The following HCFC1 variants were observed in gnomAD, a reference collection of about 807,000 sequenced individuals.
The protein encoded by HCFC1 is host cell factor C1.
In HCFC1, 7 loss-of-function variants were observed where a neutral mutation model predicts 105.5. The ratio of observed to expected loss-of-function variants is 0.07; its 90% CI spans 0.04 to 0.12. HCFC1 has a LOEUF of 0.12. HCFC1 is among the 10% of genes least tolerant of loss of function. The pLI, the probability that HCFC1 is intolerant of heterozygous loss-of-function variation, is 1.00. For missense variants in HCFC1, 1,065 were observed against 1,823.6 expected (o/e 0.58, Z 7.58); for synonymous variants, 918 against 828.1 (o/e 1.11, Z -1.86).
chrX:153,963,465 C>G, intron 3 of HCFC1, 32 bp from the exon 4 acceptor site: 1 of 1,052,430 alleles, frequency 9.5e-7, no homozygotes. Context: ...CGGCAAGTCT[C>G]GACTCCTCAC....
In HCFC1 at chrX:153,959,532, C is replaced by T. The variant is rs3027892; in HGVS notation, c.1445-41G>A. 3,348 of 1,196,771 alleles carry T rather than the reference C, an allele frequency of 2.8e-3. 61 individuals are homozygous for T. The African/African-American group carries it at 0.05, about 18-fold the overall frequency. On this transcript the variant is annotated intron_variant, in intron 8 of 25. Transcript: ENST00000310441. ...GCCAGCCGTCAGCCATCACCTTCTG[C>T]ACGATGTCCCCAGCCCCTTTGCAGG...
chrX:153,954,783 G>T lies in HCFC1; in HGVS notation c.3616C>A (p.Pro1206Thr), dbSNP rs1557114079. 1 of 1,168,042 alleles carries T rather than the reference G, an allele frequency of 8.6e-7. No homozygotes were observed. ...AGAGGGGCCAACTGCACAAAAGCAG[G>T]GCTGCGGCCCCCGGGCTCCCGTGCC... is the stretch of plus-strand genomic sequence containing the variant. The part of the protein sequence containing the change: ...SMAREPGGRS[P>T]AFVQLAPLSS... The change falls in exon 17 of 26, where the codon CCT becomes ACT. Residue 1206 changes from proline (P) to threonine (T), a missense_variant. By Grantham distance (38) the Pro-to-Thr change is conservative. This residue lies in a region of HCFC1 where 546 missense variants were observed against 599.9 expected (regional missense o/e 0.91). Coordinates refer to ENST00000310441, the MANE Select transcript of HCFC1 (RefSeq NM_005334.3).
At chrX:153,955,882 A>C (rs2065370773) in intron 16 of HCFC1, among the ~76,000 whole-genome samples, 1 of 113,052 alleles carries the variant, frequency 8.8e-6, no homozygotes, top group South Asian at 3.6e-4. Context: ...CGTTTTCCTT[A>C]ATATGTATGA....
Position 153,952,099 on chromosome X carries a change from C to A in HCFC1, c.5002G>T (p.Gly1668Trp). Residue 1668 changes from glycine (G) to tryptophan (W), a missense_variant, in exon 20 of 26, where the codon GGG becomes TGG. Physicochemically the swap from Gly to Trp is radical, Grantham distance 184 (BLOSUM62 -2). Around this residue, in one of 17 missense-constraint regions of HCFC1, gnomAD observed 115 missense variants for 143.7 expected, o/e 0.80. Transcript: ENST00000310441. ...AAATVTQAEL[G>W]HLSAEGQEGQ... ...TCCTGACCCTCGGCCGACAGGTGCC[C>A]CAGCTCCGCCTGAGTCACGGTTGCT... The A allele has an allele frequency of 8.7e-7, 1 of 1,152,124 alleles. No individual in the cohort carries two copies. 94.9% of individuals were successfully genotyped at this position (1,152,124 alleles called of 1,213,427 possible). A position where few individuals can be genotyped will look rare whatever the true frequency, so the allele number is the denominator to read the frequency against.
At chrX:153,962,197 G>A (rs782486024) in intron 5 of HCFC1, 25 bp downstream of exon 5, 4 of 1,161,669 alleles carry the variant, frequency 3.4e-6, no homozygotes, top group Non-Finnish European at 4.7e-6. Flanking sequence ...CTAGAGAAGA[G>A]AGACGCAGGT....
At chrX:153,966,916 G>A (rs1026392164) in intron 1 of HCFC1, among the ~76,000 whole-genome samples, 8 of 112,281 alleles carry the variant, frequency 7.1e-5, no homozygotes, top group Non-Finnish European at 1.1e-4. Flanking sequence ...TCAGTGAGCC[G>A]GTGGGCCAGG....
At chrX:153,955,903 G>A (rs1557114777) in intron 16 of HCFC1, among the ~76,000 whole-genome samples, 2 of 113,193 alleles carry the variant, frequency 1.8e-5, no homozygotes, top group Admixed American at 1.9e-4. Context: ...ACAGAACACT[G>A]CACACACATG....
intron 24 of HCFC1, 97 bp downstream of exon 24, chrX:153,950,146 C>G: frequency 1.1e-6 from 1 of 921,739 alleles, no homozygotes; most frequent in Middle Eastern, 4.2e-4. Context: ...GGAGACGCCG[C>G]ACATGGGAAA....
At chrX:153,953,425 G>A (rs930204255) in intron 18 of HCFC1, among the ~76,000 whole-genome samples, 182 bp downstream of exon 18, 20 of 112,490 alleles carry the variant, frequency 1.8e-4, no homozygotes, top group Non-Finnish European at 3.8e-4. Context: ...CCAGAGATGC[G>A]GGGGACGGTG....
Position 153,950,435 on chromosome X carries a change from G to C in HCFC1, c.5812C>G (p.Leu1938Val), listed in dbSNP as rs1557112137. 4.1e-6 allele frequency: 5 copies of C among 1,207,698 alleles called. No homozygotes were observed. Among genetic ancestry groups the C allele is most frequent in the Non-Finnish European group, 5.6e-6 (5 of 893,944 alleles). Residue 1938 changes from leucine (L) to valine (V), a missense_variant, in exon 24 of 26, where the codon CTC (leucine) becomes GTC (valine). Transcript: ENST00000310441. ...AGCTGGGCCGGGGTGGAGCTCTTGA[G>C]CTCGCCCCCAGCCTGTGAGCTCTGG... The part of the protein sequence containing the change: ...AIQSSQAGGE[L>V]KSSTPAQLAF...
At position 153,951,880 on chromosome X, in the gene HCFC1, G is replaced by T. The variant is rs2065315909; in HGVS notation, c.5221C>A (p.Pro1741Thr). The T allele has an allele frequency of 8.4e-7, 1 of 1,195,734 alleles. No homozygotes were observed. The highest frequency in any genetic ancestry group is 1.7e-5 in the African/African-American group (1 of 57,668). The change falls in exon 20 of 26, where the codon CCC (proline) becomes ACC (threonine). Residue 1741 changes from proline to threonine, a missense_variant. Physicochemically the swap from Pro to Thr is conservative, Grantham distance 38. This residue lies in a region of HCFC1 where 115 missense variants were observed against 143.7 expected (regional missense o/e 0.80). Transcript: ENST00000310441. ...GAGGGCAGCAGCGCCACAGTGCTGG[G>T]GACCGTGCCGGCCAGCTCATTGAGG... Reference protein sequence around the residue: ...NCLNELAGTVPSTVALLPSTA... With the variant: ...NCLNELAGTVTSTVALLPSTA...
At chrX:153,957,236 A>G (rs1041602077) in intron 13 of HCFC1, 78 bp downstream of exon 13, 10 of 992,774 alleles carry the variant, frequency 1.0e-5, no homozygotes, top group Non-Finnish European at 1.4e-5. Context: ...ACAGAAACAC[A>G]GCACGCCTTA....
intron 21 of HCFC1, 39 bp downstream of exon 21, chrX:153,951,550 C>A: frequency 8.3e-7 from 1 of 1,206,781 alleles, no homozygotes; most frequent in Non-Finnish European, 1.1e-6. Flanking sequence ...TGCTGCCCCC[C>A]AGGCCACGGA....
chrX:153,967,243 G>C (rs1557118585), intron 1 of HCFC1, among the ~76,000 whole-genome samples: 2 of 112,023 alleles, frequency 1.8e-5, no homozygotes, highest in Non-Finnish European at 3.8e-5. Flanking sequence ...CAATCCTTGG[G>C]CCCCTCATCC....
In HCFC1 at chrX:153,960,113, T is replaced by G. The variant is rs782365595; in HGVS notation, c.1133A>C (p.Asn378Thr). 8.3e-7 allele frequency: 1 copy of G among 1,209,680 alleles called. No homozygotes were observed. The highest frequency in any genetic ancestry group is 1.1e-6 in the Non-Finnish European group (1 of 894,506). ...TGCCCCCCAGCTCACCTCCAGGGAG[T>G]TGGTGTTGGCGCGTACCAGTTGTAC... ...ARVQLVRANT[N>T]SLEVSWGAVA... Residue 378 changes from asparagine to threonine, a missense_variant, in exon 8 of 26, where the codon AAC (asparagine) becomes ACC (threonine). Asn to Thr is a moderately conservative substitution (Grantham distance 65). Coordinates refer to ENST00000310441, the MANE Select transcript of HCFC1 (RefSeq NM_005334.3).
In HCFC1 at chrX:153,951,630, T is replaced by TAGC; in HGVS notation, c.5335_5337dup (p.Ala1779dup). 8.3e-7 allele frequency: 1 copy of TAGC among 1,210,831 alleles called. No homozygotes were observed. Among genetic ancestry groups the TAGC allele is most frequent in the Non-Finnish European group, 1.1e-6 (1 of 895,135 alleles). ...ATGCCATTGGCCACTTCGGTCAGGG[T>TAGC]AGCTGCAGCCTGCAGCTTGGCTGGG... On this transcript the variant is annotated inframe_insertion, in exon 21 of 26. Coordinates refer to ENST00000310441, the MANE Select transcript of HCFC1 (RefSeq NM_005334.3).
At chrX:153,966,381 G>A (rs933748191) in intron 1 of HCFC1, among the ~76,000 whole-genome samples, 22 of 112,563 alleles carry the variant, frequency 2.0e-4, no homozygotes, top group African/African-American at 5.8e-4. Flanking sequence ...ACTGGGCCTC[G>A]GACATGCCGA....
At chrX:153,958,488 C>T (rs2065399100) in intron 10 of HCFC1, 81 bp downstream of exon 10, 23 of 934,396 alleles carry the variant, frequency 2.5e-5, no homozygotes, top group Non-Finnish European at 3.3e-5. Context: ...CTGCAGCCCA[C>T]GGTCCAACGG....
chrX:153,949,514 C>T (rs782512408), intron 25 of HCFC1, 39 bp downstream of exon 25: 119 of 1,186,995 alleles, frequency 1.0e-4, no homozygotes, highest in Non-Finnish European at 4.5e-5. Flanking sequence ...ATTTCCACCC[C>T]TAGTCTCAGA....
Sources: allele counts gnomAD v4.1 joint callset (sites outside exome capture counted in the v4.1 genomes callset), GRCh38; gene constraint gnomAD v4.1.1; regional missense constraint gnomAD v4.1.1; transcripts MANE v1.5; gene names NCBI Gene and HGNC (gene_info 2026-07-23, HGNC 2026-07-21).